The following SPATA6L variants were observed in gnomAD, a reference collection of about 807,000 sequenced individuals.
SPATA6L encodes the protein spermatogenesis associated 6 like.
Under a neutral mutation model 49.2 loss-of-function variants are expected in SPATA6L, and 68 were observed. The ratio of observed to expected loss-of-function variants is 1.38; its 90% CI spans 1.14 to 1.69. The LOEUF (loss-of-function observed/expected upper bound fraction) is 1.69. Ranked by LOEUF, SPATA6L falls within the 40% of genes most tolerant of loss-of-function variation. The pLI is 0.00. For missense variants in SPATA6L, 668 were observed against 464.3 expected (o/e 1.44, Z -4.03); for synonymous variants, 198 against 165.7 (o/e 1.19, Z -1.50).
intron 2 of SPATA6L, among the ~76,000 whole-genome samples, chr9:4,661,039 G>C (rs774762423): frequency 3.9e-5 from 6 of 152,082 alleles, no homozygotes; most frequent in Non-Finnish European, 8.8e-5. Flanking sequence ...CGTGGGGTGG[G>C]GGGAATGAGT....
rs1822645215 is a variant in SPATA6L at position 4,599,106 on chromosome 9, G to A, written c.*1705C>T. On this transcript the variant is annotated 3_prime_UTR_variant, in exon 12 of 12. Transcript: ENST00000682582. Reference sequence around the variant, plus strand: ...TATATACACTTTATACAGGTAGCCTGAAGGTAATTTTATACATGATTTTAA... The same window carrying A: ...TATATACACTTTATACAGGTAGCCTAAAGGTAATTTTATACATGATTTTAA... Among the ~76,000 whole-genome samples, 2 of 152,374 alleles carry A rather than the reference G, an allele frequency of 1.3e-5. No individual in the cohort carries two copies. The highest frequency in any genetic ancestry group is 2.4e-5 in the African/African-American group (1 of 41,588).
intron 3 of SPATA6L, among the ~76,000 whole-genome samples, chr9:4,643,561 T>C (rs892047741): frequency 3.3e-5 from 5 of 151,954 alleles, no homozygotes; most frequent in African/African-American, 4.8e-5. Flanking sequence ...ACCACCACTA[T>C]GGAAAAATAC....
chr9:4,625,540 A>C lies in SPATA6L; in HGVS notation c.456T>G (p.Pro152=). 1 of 1,593,702 alleles carries C rather than the reference A, an allele frequency of 6.3e-7. No homozygotes were observed. The highest frequency in any genetic ancestry group is 2.3e-5 in the East Asian group (1 of 44,368). ...ATATTGGTTCATGTGATGTAGATAA[A>C]GGCCTCCGTGACTCATGTCTTTCTT... ...FLEERHESRR[P]LSTSHEPIFP... is the part of the protein sequence containing the mutation. Residue 152 remains proline, a synonymous_variant, in exon 6 of 12, where the codon CCT becomes CCG. Coordinates refer to ENST00000682582, the MANE Select transcript of SPATA6L (RefSeq NM_001353486.2).
downstream of SPATA6L, among the ~76,000 whole-genome samples, chr9:4,595,925 C>T (rs899775919): frequency 3.9e-5 from 6 of 152,196 alleles, no homozygotes; most frequent in Non-Finnish European, 8.8e-5. Flanking sequence ...TTTATGTGGG[C>T]CACAGAGCCT....
chr9:4,663,247 T>C lies in SPATA6L; in HGVS notation c.40-1211A>G, dbSNP rs374595571. ...CATAATGCTCCGGTCCTCTTTTTACTGTGGAGTCAACGATGACACCATCTC... is the reference window on the plus strand; with the variant it reads ...CATAATGCTCCGGTCCTCTTTTTACCGTGGAGTCAACGATGACACCATCTC... On this transcript the variant is annotated intron_variant, in intron 1 of 11. Coordinates refer to ENST00000682582, the MANE Select transcript of SPATA6L (RefSeq NM_001353486.2). 8.6e-5 allele frequency: 139 copies of C among 1,613,302 alleles called. No individual in the cohort carries two copies. Among genetic ancestry groups the C allele is most frequent in the Admixed American group, 8.3e-4 (50 of 59,972 alleles).
At chr9:4,609,516 A>G (rs1826141248) in intron 9 of SPATA6L, among the ~76,000 whole-genome samples, 1 of 152,136 alleles carries the variant, frequency 6.6e-6, no homozygotes, top group Non-Finnish European at 1.5e-5. Flanking sequence ...AATGTAATCC[A>G]GCATATAAAC....
At chr9:4,630,468 T>A (rs554700620) in intron 4 of SPATA6L, among the ~76,000 whole-genome samples, 1 of 152,286 alleles carries the variant, frequency 6.6e-6, no homozygotes, top group East Asian at 1.9e-4. Context: ...CCCCTCTGCA[T>A]CACCTCTCTG....
At chr9:4,636,716 T>A (rs1831575847) in intron 3 of SPATA6L, among the ~76,000 whole-genome samples, 1 of 152,382 alleles carries the variant, frequency 6.6e-6, no homozygotes, top group South Asian at 2.1e-4. Context: ...ATGTATTAAA[T>A]TCTTCCTCCT....
At chr9:4,663,341 C>A in intron 1 of SPATA6L, 1 of 1,432,016 alleles carries the variant, frequency 7.0e-7, no homozygotes, top group Non-Finnish European at 9.6e-7. Flanking sequence ...CAGCAGCCAT[C>A]CCGCTTGTCC....
intron 2 of SPATA6L, among the ~76,000 whole-genome samples, chr9:4,658,112 G>A (rs1230803138): frequency 6.6e-6 from 1 of 152,172 alleles, no homozygotes; most frequent in African/African-American, 2.4e-5. Flanking sequence ...CTCACACTCT[G>A]ATTTCAAGAA....
intron 4 of SPATA6L, among the ~76,000 whole-genome samples, chr9:4,632,525 G>A (rs916880282): frequency 2.0e-5 from 3 of 151,662 alleles, no homozygotes; most frequent in African/African-American, 7.3e-5. Context: ...GAACCTGGGA[G>A]GCAGAGGTTG....
chr9:4,594,478 C>G (rs1822111757), downstream of SPATA6L, among the ~76,000 whole-genome samples: 2 of 152,216 alleles, frequency 1.3e-5, no homozygotes, highest in Admixed American at 6.5e-5. Context: ...TCCCAAAGTG[C>G]TGGGATTACA....
chr9:4,645,632 A>G (rs1282048644), intron 3 of SPATA6L, among the ~76,000 whole-genome samples: 1 of 152,258 alleles, frequency 6.6e-6, no homozygotes, highest in Non-Finnish European at 1.5e-5. Context: ...CTCATTACCC[A>G]ATCCATATAG....
At chr9:4,644,836 G>A (rs1030209795) in intron 3 of SPATA6L, among the ~76,000 whole-genome samples, 15 of 152,156 alleles carry the variant, frequency 9.9e-5, no homozygotes, top group East Asian at 3.9e-4. Flanking sequence ...CAGGTCTTAT[G>A]TCACTCAAGA....
At chr9:4,594,143 T>C (rs1422885781), downstream of SPATA6L, among the ~76,000 whole-genome samples, 1 of 152,224 alleles carries the variant, frequency 6.6e-6, no homozygotes, top group Non-Finnish European at 1.5e-5. Context: ...TAAACTGAAC[T>C]TATCCAAAAT....
chr9:4,652,505 T>G (rs1295088529), intron 3 of SPATA6L, among the ~76,000 whole-genome samples: 1 of 152,188 alleles, frequency 6.6e-6, no homozygotes, highest in East Asian at 1.9e-4. Flanking sequence ...GGAATAAATT[T>G]AACCAAAAAA....
At chr9:4,597,360 A>G (rs1032731808), downstream of SPATA6L, among the ~76,000 whole-genome samples, 6 of 110,474 alleles carry the variant, frequency 5.4e-5, no homozygotes, top group Non-Finnish European at 1.3e-4. Context: ...ACACACACAC[A>G]CACACACACG....
chr9:4,656,893 A>G (rs75326044), intron 2 of SPATA6L, among the ~76,000 whole-genome samples: 5,788 of 152,250 alleles, frequency 0.038, 231 homozygotes, highest in African/African-American at 0.078. Context: ...AAAAAGAAAT[A>G]TTACCTATGC....
intron 3 of SPATA6L, among the ~76,000 whole-genome samples, chr9:4,637,574 G>T (rs1227927107): frequency 6.6e-6 from 1 of 152,192 alleles, no homozygotes; most frequent in African/African-American, 2.4e-5. Flanking sequence ...ACAGGGCCCA[G>T]CCAAGACAAT....
Sources: allele counts gnomAD v4.1 joint callset (sites outside exome capture counted in the v4.1 genomes callset), GRCh38; gene constraint gnomAD v4.1.1; transcripts MANE v1.5; gene names NCBI Gene and HGNC (gene_info 2026-07-23, HGNC 2026-07-21).